Variants in SCAF4 observed in about 807,000 individuals in gnomAD.
SCAF4 encodes SR-related CTD associated factor 4, also known as SR-related and CTD-associated factor 4.
SCAF4 carries 25 observed loss-of-function variants against 129.8 expected under a neutral mutation model. That is an observed-to-expected ratio of 0.19 (90% CI 0.14 to 0.27). The LOEUF is 0.27. Among genes scored for constraint, SCAF4 ranks in the 10% least tolerant of loss-of-function variants. The pLI, the probability that SCAF4 is intolerant of heterozygous loss-of-function variation, is 1.00. For synonymous variants in SCAF4, 551 were observed against 497.7 expected, an observed-to-expected ratio of 1.11 and a Z score of -1.43; for missense variants, 1,246 against 1,457.1, an observed-to-expected ratio of 0.86 and a Z score of 2.36.
intron 19 of SCAF4, among the ~76,000 whole-genome samples, chr21:31,675,678 CT>C (rs1478165989): frequency 2.0e-5 from 3 of 152,144 alleles, no homozygotes; most frequent in Non-Finnish European, 2.9e-5. Flanking sequence ...AGTGATGGCT[CT>C]AAGTGCCTGA....
Position 31,732,089 on chromosome 21 carries a change from G to A in SCAF4, c.-397C>T, listed in dbSNP as rs543542260. 9.8e-6 allele frequency: 4 copies of A among 409,780 alleles called. No homozygotes were observed. The highest frequency in any genetic ancestry group is 7.2e-5 in the East Asian group (2 of 27,684). The allele number at this position is 409,780 out of a possible 1,614,324, so 25.4% of individuals were successfully genotyped here. On this transcript the variant is annotated 5_prime_UTR_variant, in exon 1 of 20. Transcript: ENST00000286835. ...CTCTCTCCAGCGGGATGGCGGCAGCGGCCCGAGTCCACGCCGCGCGGGGCA... is the reference window on the plus strand; with the variant it reads ...CTCTCTCCAGCGGGATGGCGGCAGCAGCCCGAGTCCACGCCGCGCGGGGCA...
rs370822562 is a variant in SCAF4, at chr21:31,692,388, G to A, written c.1575C>T (p.Ala525=). Residue 525 remains alanine (A), a synonymous_variant, in exon 13 of 20, where the codon GCC becomes GCT. Coordinates refer to ENST00000286835, the MANE Select transcript of SCAF4 (RefSeq NM_020706.2). The part of the protein sequence containing the change: ...LDKRTTQQDV[A]SLLEEFGPIE... ...TTGGACCAAACTCTTCCAAGAGACT[G>A]GCAACATCCTGCTGAGTAGTTCTTT... 68 of 1,613,824 alleles carry A rather than the reference G, an allele frequency of 4.2e-5. No homozygotes were observed. Among genetic ancestry groups the A allele is most frequent in the Non-Finnish European group, 5.3e-5 (62 of 1,179,928 alleles).
intron 19 of SCAF4, among the ~76,000 whole-genome samples, chr21:31,676,140 A>T (rs1362420967): frequency 6.6e-6 from 1 of 152,144 alleles, no homozygotes; most frequent in African/African-American, 2.4e-5. Context: ...TTTCAGTGAG[A>T]TCTTTACAGA....
At chr21:31,685,028 T>C (rs2050083564) in intron 19 of SCAF4, 21 bp downstream of exon 19, 2 of 1,422,842 alleles carry the variant, frequency 1.4e-6, no homozygotes, top group South Asian at 1.2e-5. Context: ...GGAAAACTAA[T>C]GATAAAAAAA....
At chr21:31,719,294 AAAAAAC>A (rs904108615) in intron 1 of SCAF4, among the ~76,000 whole-genome samples, 4 of 150,884 alleles carry the variant, frequency 2.7e-5, no homozygotes, top group African/African-American at 9.9e-5. Context: ...CTGTCCCAAA[AAAAAAC>A]AAAAAACAAA....
In SCAF4 at chr21:31,675,234, A is replaced by G. The variant is rs148329086; in HGVS notation, c.2489-2880T>C. On this transcript the variant is annotated intron_variant, in intron 19 of 19. Transcript: ENST00000286835. Reference sequence around the variant, plus strand: ...GGGCAATTCACAGGCCCTATATGCCATAAGGAGGAACCTGGACTTTGACCT... The same window carrying G: ...GGGCAATTCACAGGCCCTATATGCCGTAAGGAGGAACCTGGACTTTGACCT... Among the ~76,000 whole-genome samples, 1,485 of 152,356 alleles carry G rather than the reference A, an allele frequency of 9.7e-3. 8 individuals are homozygous for G. The highest frequency in any genetic ancestry group is 0.012 in the Non-Finnish European group (843 of 68,022).
intron 7 of SCAF4, among the ~76,000 whole-genome samples, chr21:31,698,674 C>T (rs2050446928): frequency 6.6e-6 from 1 of 151,956 alleles, no homozygotes; most frequent in Non-Finnish European, 1.5e-5. Flanking sequence ...AATGAGTGGG[C>T]CTCAATCAAT....
At chr21:31,680,281 G>A (rs1016712132) in intron 19 of SCAF4, among the ~76,000 whole-genome samples, 20 of 152,202 alleles carry the variant, frequency 1.3e-4, no homozygotes, top group African/African-American at 4.8e-4. Flanking sequence ...TTTGCCTTGG[G>A]AGAAACTATG....
chr21:31,703,156 G>A (rs2050575262), intron 4 of SCAF4, among the ~76,000 whole-genome samples: 1 of 151,530 alleles, frequency 6.6e-6, no homozygotes, highest in Non-Finnish European at 1.5e-5. Flanking sequence ...TGTTGGGGAA[G>A]AACATCTATT....
intron 19 of SCAF4, 134 bp downstream of exon 19, chr21:31,684,914 AC>A (rs1191033522): frequency 3.3e-6 from 2 of 599,308 alleles, no homozygotes; most frequent in Admixed American, 5.8e-5. Context: ...AAACAAAACA[AC>A]CAAAAAAGCC....
intron 2 of SCAF4, 22 bp downstream of exon 2, chr21:31,706,252 A>T: frequency 3.4e-6 from 5 of 1,453,424 alleles, no homozygotes; most frequent in Non-Finnish European, 3.8e-6. Context: ...AGATTTCTCA[A>T]ATTGCTTTAT....
rs1346967940 is a variant in SCAF4, at chr21:31,732,094, G to C, written c.-402C>G. ...TCCAGCGGGATGGCGGCAGCGGCCCGAGTCCACGCCGCGCGGGGCACCCTG... is the reference window on the plus strand; with the variant it reads ...TCCAGCGGGATGGCGGCAGCGGCCCCAGTCCACGCCGCGCGGGGCACCCTG... On this transcript the variant is annotated 5_prime_UTR_variant, in exon 1 of 20. Coordinates refer to ENST00000286835, the MANE Select transcript of SCAF4 (RefSeq NM_020706.2). 2 of 408,944 alleles carry C rather than the reference G, an allele frequency of 4.9e-6. No homozygotes were observed. Among genetic ancestry groups the C allele is most frequent in the African/African-American group, 2.1e-5 (1 of 48,186 alleles). The allele number at this position is 408,944 out of a possible 1,614,324, so 25.3% of individuals were successfully genotyped here.
At position 31,696,636 on chromosome 21, in the gene SCAF4, G is replaced by A; in HGVS notation, c.892C>T (p.Pro298Ser). 6.2e-7 allele frequency: 1 copy of A among 1,613,970 alleles called. No homozygotes were observed. ...GCAGCAGCAGGCACGGTGGCGGTGG[G>A]TGCAGGGGGTACTGCGGCAGCAGGT... is the stretch of plus-strand genomic sequence containing the variant. ...TAPAAAVPPAPTATVPAAAAP... is the reference protein window; with the variant it reads ...TAPAAAVPPASTATVPAAAAP... The change falls in exon 8 of 20, where the codon CCC becomes TCC. Residue 298 changes from proline (P) to serine (S), a missense_variant. Physicochemically the swap from Pro to Ser is moderately conservative, Grantham distance 74. Coordinates refer to ENST00000286835, the MANE Select transcript of SCAF4 (RefSeq NM_020706.2).
Position 31,671,448 on chromosome 21 carries a change from G to C in SCAF4, c.3395C>G (p.Ser1132Cys), listed in dbSNP as rs1256874802. ...GCCAGAATCCTTTTCGGGTTCAACGGATGAGGTAGCCTCAGCAGGTAACTC... is the reference window on the plus strand; with the variant it reads ...GCCAGAATCCTTTTCGGGTTCAACGCATGAGGTAGCCTCAGCAGGTAACTC... ...SEELPAEATS[S>C]VEPEKDSGSA... The change falls in exon 20 of 20, where the codon TCC becomes TGC. Residue 1132 changes from serine (S) to cysteine (C), a missense_variant. Ser to Cys is a moderately radical substitution (Grantham distance 112). Transcript: ENST00000286835. 6.2e-7 allele frequency: 1 copy of C among 1,614,114 alleles called. No individual in the cohort carries two copies. The highest frequency in any genetic ancestry group is 8.5e-7 in the Non-Finnish European group (1 of 1,179,982).
rs370241710 is a variant in SCAF4 at position 31,701,845 on chromosome 21, T to A, written c.531A>T (p.Val177=). 3.7e-6 allele frequency: 6 copies of A among 1,614,056 alleles called. No individual in the cohort carries two copies. The highest frequency in any genetic ancestry group is 2.2e-5 in the East Asian group (1 of 44,864). The part of the protein sequence containing the change: ...TQATPNSVPA[V]PQLPSSDAFA... ...AAGCATCAGAGCTGGGCAACTGTGG[T>A]ACAGCTGGGACGGAGTTTGGAGTGG... Residue 177 remains valine (V), a synonymous_variant, in exon 6 of 20, where the codon GTA becomes GTT. Coordinates refer to ENST00000286835, the MANE Select transcript of SCAF4 (RefSeq NM_020706.2).
intron 11 of SCAF4, 37 bp from the exon 12 acceptor site, chr21:31,693,521 T>C (rs779943781): frequency 2.4e-5 from 33 of 1,348,542 alleles, no homozygotes; most frequent in Admixed American, 7.8e-5. Context: ...GCATAGCATA[T>C]AGACAAAAAC....
At chr21:31,700,190 A>G (rs1457560420) in intron 7 of SCAF4, among the ~76,000 whole-genome samples, 2 of 150,538 alleles carry the variant, frequency 1.3e-5, no homozygotes. Flanking sequence ...ACTCACACAC[A>G]CACACACAAA....
intron 1 of SCAF4, among the ~76,000 whole-genome samples, chr21:31,726,871 A>G (rs2051217956): frequency 6.6e-6 from 1 of 152,028 alleles, no homozygotes; most frequent in Non-Finnish European, 1.5e-5. Context: ...GTGCCACTAC[A>G]CTCCAGTATC....
chr21:31,706,480 T>G, intron 1 of SCAF4, 123 bp from the exon 2 acceptor site: 62 of 651,344 alleles, frequency 9.5e-5, no homozygotes, highest in Middle Eastern at 3.4e-4. Context: ...GTGAGGGGGG[T>G]CTTAGCAGCT....
Sources: allele counts gnomAD v4.1 joint callset (sites outside exome capture counted in the v4.1 genomes callset), GRCh38; gene constraint gnomAD v4.1.1; transcripts MANE v1.5; gene names NCBI Gene and HGNC (gene_info 2026-07-23, HGNC 2026-07-21).